UBASH3B: variants seen among roughly 807,000 people sequenced by gnomAD.
UBASH3B encodes ubiquitin associated and SH3 domain containing B.
In UBASH3B, 37 loss-of-function variants were observed where a neutral mutation model predicts 83.4. The observed-to-expected ratio is 0.44, with a 90% CI of 0.34 to 0.58. The LOEUF (loss-of-function observed/expected upper bound fraction) is 0.58, where lower values mean the gene tolerates loss of function less well. UBASH3B is among the 20% of genes least tolerant of loss of function. UBASH3B has a pLI of 0.01. For missense variants in UBASH3B, 657 were observed against 827.2 expected (o/e 0.79, Z 2.52); for synonymous variants, 304 against 318.3 (o/e 0.96, Z 0.48).
chr11:122,662,118 G>T (rs1863451739), intron 1 of UBASH3B, among the ~76,000 whole-genome samples: 1 of 151,996 alleles, frequency 6.6e-6, no homozygotes, highest in African/African-American at 2.4e-5. Context: ...TGTTGGTCAG[G>T]CTGGTCTCGA....
intron 1 of UBASH3B, among the ~76,000 whole-genome samples, chr11:122,699,124 CCAGGCGTGAGCCACTGCG>C (rs1864001679): frequency 6.6e-6 from 1 of 152,106 alleles, no homozygotes; most frequent in East Asian, 1.9e-4. Flanking sequence ...TGCTGGGATT[CCAGGCGTGAGCCACTGCG>C]CCCGGATTGG....
intron 13 of UBASH3B, among the ~76,000 whole-genome samples, chr11:122,808,446 GATTTCCCTGAGGGACCTTCTCTGA>G (rs1229539659): frequency 6.6e-6 from 1 of 152,236 alleles, no homozygotes; most frequent in Admixed American, 6.5e-5. Flanking sequence ...AAATTGTCTG[GATTTCCCTGAGGGACCTTCTCTGA>G]ATTTCCCTGA....
Position 122,744,176 on chromosome 11 carries a change from A to G in UBASH3B, c.162-32043A>G, listed in dbSNP as rs566051865. 7.9e-5 allele frequency among the ~76,000 whole-genome samples: 12 copies of G among 152,200 alleles called. 1 individual carries two copies. In the East Asian group the frequency reaches 1.9e-3, roughly 24 times the overall value. ...GCAGGCTTCCTGTTTTGAAACCACC[A>G]ATAGATGGAAAATGTGAGTACTGCC... On this transcript the variant is annotated intron_variant, in intron 1 of 13. Transcript: ENST00000284273.
intron 1 of UBASH3B, among the ~76,000 whole-genome samples, chr11:122,745,064 G>C (rs2135963364): frequency 6.6e-6 from 1 of 152,344 alleles, no homozygotes. Flanking sequence ...AGTGGCAAAA[G>C]CAAGGAGCAG....
intron 1 of UBASH3B, among the ~76,000 whole-genome samples, chr11:122,732,673 C>T (rs1027656694): frequency 1.3e-5 from 2 of 152,090 alleles, no homozygotes; most frequent in African/African-American, 2.4e-5. Context: ...TTTGTCTTTC[C>T]ACCACCCATC....
chr11:122,712,051 T>A (rs1864200472), intron 1 of UBASH3B, among the ~76,000 whole-genome samples: 1 of 141,910 alleles, frequency 7.0e-6, no homozygotes, highest in African/African-American at 2.6e-5. Flanking sequence ...TTTTTTTTTT[T>A]ACTGCATTGC....
At chr11:122,795,448 C>T (rs781401873) in intron 7 of UBASH3B, among the ~76,000 whole-genome samples, 14 of 152,120 alleles carry the variant, frequency 9.2e-5, no homozygotes, top group African/African-American at 2.7e-4. Context: ...TGCTGGCCCG[C>T]GCTAAGGAAA....
At chr11:122,682,813 T>TA (rs370269562) in intron 1 of UBASH3B, among the ~76,000 whole-genome samples, 1 of 152,190 alleles carries the variant, frequency 6.6e-6, no homozygotes, top group Non-Finnish European at 1.5e-5. Context: ...AACTACTGAT[T>TA]AAAAAAATTT....
chr11:122,783,552 T>G lies in UBASH3B; in HGVS notation c.771+330T>G, dbSNP rs558153263. Among the ~76,000 whole-genome samples the G allele has an allele frequency of 3.3e-5, 5 of 152,194 alleles. No homozygotes were observed. In the South Asian group the frequency reaches 8.3e-4, roughly 25 times the overall value. ...GGAAAATTTTTAATATTATATAAATTTATGGTGTTAATGGAAGACATCATT... is the reference window on the plus strand; with the variant it reads ...GGAAAATTTTTAATATTATATAAATGTATGGTGTTAATGGAAGACATCATT... On this transcript the variant is annotated intron_variant, in intron 5 of 13. Transcript: ENST00000284273.
chr11:122,752,994 C>G (rs1321396794), intron 1 of UBASH3B, among the ~76,000 whole-genome samples: 1 of 152,078 alleles, frequency 6.6e-6, no homozygotes, highest in Non-Finnish European at 1.5e-5. Flanking sequence ...GAACCTGGGT[C>G]TTTTCTTTCC....
chr11:122,744,873 C>CTGTGTGTGTGTGTGTGTGTGTGTGTGTG (rs544992534), intron 1 of UBASH3B, among the ~76,000 whole-genome samples: 90 of 139,486 alleles, frequency 6.5e-4, no homozygotes, highest in South Asian at 2.8e-3. Context: ...ATGTGTGACT[C>CTGTGTGTGTGTGTGTGTGTGTGTGTGTG]TGTGTGTGTG....
At chr11:122,774,239 T>G in intron 1 of UBASH3B, 1 of 985,522 alleles carries the variant, frequency 1.0e-6, no homozygotes, top group Non-Finnish European at 1.2e-6. Context: ...GGGTCTGTCT[T>G]GCTTCTCCGT....
At chr11:122,686,863 G>GT (rs1244761690) in intron 1 of UBASH3B, among the ~76,000 whole-genome samples, 2 of 149,908 alleles carry the variant, frequency 1.3e-5, no homozygotes, top group African/African-American at 2.5e-5. Context: ...TAAAATGAAG[G>GT]TATTTTTTTT....
At chr11:122,667,720 G>A (rs1285772098) in intron 1 of UBASH3B, among the ~76,000 whole-genome samples, 2 of 152,208 alleles carry the variant, frequency 1.3e-5, no homozygotes, top group African/African-American at 4.8e-5. Context: ...TGCCTCAGGT[G>A]TAAGATCCTG....
At chr11:122,730,591 CTT>C (rs71054094) in intron 1 of UBASH3B, among the ~76,000 whole-genome samples, 315 of 141,710 alleles carry the variant, frequency 2.2e-3, no homozygotes, top group Non-Finnish European at 2.1e-3. Flanking sequence ...TATTTGGATT[CTT>C]TTTTTTTTTT....
intron 1 of UBASH3B, among the ~76,000 whole-genome samples, chr11:122,718,944 G>GGGTT (rs1860576783): frequency 6.6e-6 from 1 of 152,202 alleles, no homozygotes; most frequent in Admixed American, 6.5e-5. Context: ...GGTTGAGGCA[G>GGGTT]GAGGACCACC....
intron 5 of UBASH3B, among the ~76,000 whole-genome samples, chr11:122,785,315 C>T (rs1860928015): frequency 6.6e-6 from 1 of 152,194 alleles, no homozygotes; most frequent in Admixed American, 6.5e-5. Flanking sequence ...TCTTTCGGTC[C>T]TACCTGAGCC....
At chr11:122,785,201 A>G (rs1002029542) in intron 5 of UBASH3B, among the ~76,000 whole-genome samples, 2 of 152,198 alleles carry the variant, frequency 1.3e-5, no homozygotes, top group Non-Finnish European at 2.9e-5. Context: ...ATTTTCTAAA[A>G]ATAACTTGGC....
At chr11:122,720,979 C>T (rs1280043709) in intron 1 of UBASH3B, among the ~76,000 whole-genome samples, 1 of 152,022 alleles carries the variant, frequency 6.6e-6, no homozygotes, top group Non-Finnish European at 1.5e-5. Context: ...GGCGCGGTGG[C>T]TCACGCCTGT....
Sources: gnomAD v4.1 joint callset for allele counts (sites outside exome capture counted in the v4.1 genomes callset) on GRCh38, gnomAD v4.1.1 for gene constraint, MANE v1.5 for transcripts, NCBI Gene and HGNC (gene_info 2026-07-23, HGNC 2026-07-21) for gene names.